The following ATP8A2 variants were observed in gnomAD, a reference collection of about 807,000 sequenced individuals.
ATP8A2 encodes the protein phospholipid-transporting ATPase IB.
ATP8A2 carries 100 observed loss-of-function variants against 165.6 expected under a neutral mutation model. The observed-to-expected ratio is 0.60, with a 90% CI of 0.51 to 0.71. ATP8A2 has a LOEUF of 0.71. Ranked by LOEUF, ATP8A2 falls within the 30% of genes least tolerant of loss-of-function variation. The pLI, the probability that ATP8A2 is intolerant of heterozygous loss-of-function variation, is 0.00. For synonymous variants in ATP8A2, 543 were observed against 548.8 expected (o/e 0.99, Z 0.15); for missense variants, 1,227 against 1,479.5 (o/e 0.83, Z 2.80).
At chr13:25,968,923 T>C (rs778055051) in intron 35 of ATP8A2, among the ~76,000 whole-genome samples, 5 of 127,416 alleles carry the variant, frequency 3.9e-5, no homozygotes, top group Non-Finnish European at 9.2e-5. Context: ...AAACAACTCA[T>C]GTGCAGAAAA....
intron 33 of ATP8A2, among the ~76,000 whole-genome samples, chr13:25,889,254 A>G (rs1476807201): frequency 2.1e-5 from 3 of 144,688 alleles, no homozygotes; most frequent in Non-Finnish European, 3.0e-5. Flanking sequence ...TCATATATAT[A>G]TATATATATA....
At chr13:25,891,990 C>CTTTTCTTTTTTTTTTTTT (rs1555286004) in intron 33 of ATP8A2, among the ~76,000 whole-genome samples, 5 of 142,684 alleles carry the variant, frequency 3.5e-5, no homozygotes, top group African/African-American at 1.3e-4. Context: ...AAGCCTTTTT[C>CTTTTCTTTTTTTTTTTTT]TTTTTTTTTT....
intron 1 of ATP8A2, among the ~76,000 whole-genome samples, chr13:25,460,109 G>C (rs1437653158): frequency 6.6e-6 from 1 of 152,196 alleles, no homozygotes; most frequent in African/African-American, 2.4e-5. Context: ...GCTGAGGTGG[G>C]AGAACTGCTT....
intron 2 of ATP8A2, among the ~76,000 whole-genome samples, chr13:25,475,012 G>A (rs537031084): frequency 6.6e-6 from 1 of 152,164 alleles, no homozygotes; most frequent in East Asian, 1.9e-4. Flanking sequence ...TAGAGATGGA[G>A]TTTCACCATG....
intron 24 of ATP8A2, among the ~76,000 whole-genome samples, chr13:25,619,720 T>TA (rs1224148424): frequency 6.6e-6 from 1 of 152,222 alleles, no homozygotes; most frequent in Non-Finnish European, 1.5e-5. Context: ...AAGTAGTAGG[T>TA]AAATAAGAAA....
intron 27 of ATP8A2, among the ~76,000 whole-genome samples, chr13:25,803,671 C>G (rs1351445464): frequency 1.3e-5 from 2 of 152,204 alleles, no homozygotes; most frequent in Non-Finnish European, 1.5e-5. Context: ...GCCAATCCTT[C>G]AAAAACTGAC....
intron 12 of ATP8A2, 39 bp from the exon 13 acceptor site, chr13:25,554,952 T>A (rs780049280): frequency 1.6e-6 from 2 of 1,264,036 alleles, no homozygotes; most frequent in South Asian, 1.3e-5. Flanking sequence ...TAATGGTATA[T>A]ATTTTCTGAA....
chr13:25,993,194 G>A (rs1956430190), intron 35 of ATP8A2, among the ~76,000 whole-genome samples: 1 of 152,072 alleles, frequency 6.6e-6, no homozygotes, highest in Non-Finnish European at 1.5e-5. Flanking sequence ...AGTCATTTGG[G>A]TATATACCCA....
At chr13:25,931,921 G>A (rs893016046) in intron 33 of ATP8A2, among the ~76,000 whole-genome samples, 1 of 151,844 alleles carries the variant, frequency 6.6e-6, no homozygotes, top group East Asian at 1.9e-4. Flanking sequence ...GGTGGCGGGT[G>A]CCTGTAATCT....
chr13:25,715,003 A>T (rs904360992), intron 25 of ATP8A2, among the ~76,000 whole-genome samples: 1 of 152,224 alleles, frequency 6.6e-6, no homozygotes, highest in Non-Finnish European at 1.5e-5. Flanking sequence ...AGAAGTTTGG[A>T]TAAATGCTTC....
At chr13:25,515,070 G>A (rs1446687976) in intron 2 of ATP8A2, among the ~76,000 whole-genome samples, 1 of 152,186 alleles carries the variant, frequency 6.6e-6, no homozygotes, top group Non-Finnish European at 1.5e-5. Context: ...TCAAACAGTT[G>A]AAGCCCTGAC....
chr13:25,587,794 G>A (rs1465185718), intron 23 of ATP8A2, among the ~76,000 whole-genome samples: 1 of 152,160 alleles, frequency 6.6e-6, no homozygotes, highest in African/African-American at 2.4e-5. Context: ...AAGGAAGAAT[G>A]CATTTGTAAA....
intron 33 of ATP8A2, among the ~76,000 whole-genome samples, chr13:25,930,658 A>G (rs1335283056): frequency 6.6e-6 from 1 of 152,100 alleles, no homozygotes; most frequent in East Asian, 1.9e-4. Flanking sequence ...CAGATGAGGA[A>G]CCTTATGTGG....
Position 25,838,438 on chromosome 13 carries a change from C to A in ATP8A2, c.2878-1108C>A, listed in dbSNP as rs141053494. ...TGATTCCGTTAATGGGAAAATATGA[C>A]CCATTTTCACTGCATTATTTACATA... On this transcript the variant is annotated intron_variant, in intron 29 of 36. Coordinates refer to ENST00000381655, the MANE Select transcript of ATP8A2 (RefSeq NM_016529.6). Among the ~76,000 whole-genome samples the A allele has an allele frequency of 6.0e-3, 908 of 152,210 alleles. 12 individuals are homozygous for A. Among genetic ancestry groups the A allele is most frequent in the African/African-American group, 0.021 (866 of 41,526 alleles).
Position 25,530,577 on chromosome 13 carries a change from T to C in ATP8A2, c.337T>C (p.Ser113Pro). The C allele has an allele frequency of 6.3e-7, 1 of 1,580,218 alleles. No homozygotes were observed. The highest frequency in any genetic ancestry group is 8.6e-7 in the Non-Finnish European group (1 of 1,157,944). The change falls in exon 4 of 37, where the codon TCT becomes CCT. Residue 113 changes from serine to proline, a missense_variant. Around this residue, in one of 5 missense-constraint regions of ATP8A2, gnomAD observed 356 missense variants for 394.9 expected, o/e 0.90. Transcript: ENST00000381655. ...IALLQQIPDVSPTGRYTTLVP... is the reference protein window; with the variant it reads ...IALLQQIPDVPPTGRYTTLVP... ...TATCTTCCAGCAAATTCCAGATGTA[T>C]CTCCAACAGGAAGATATACCACCCT... is the stretch of plus-strand genomic sequence containing the variant.
At chr13:25,417,440 G>A (rs933577307) in intron 1 of ATP8A2, among the ~76,000 whole-genome samples, 3 of 84,196 alleles carry the variant, frequency 3.6e-5, no homozygotes, top group African/African-American at 1.3e-4. Context: ...TTCATCCATA[G>A]ATGAGATAGT....
Position 25,953,989 on chromosome 13 carries a change from G to A in ATP8A2, c.3184-7586G>A, listed in dbSNP as rs963249411. Among the ~76,000 whole-genome samples, 8 of 151,764 alleles carry A rather than the reference G, an allele frequency of 5.3e-5. No homozygotes were observed. Among genetic ancestry groups the A allele is most frequent in the Non-Finnish European group, 1.2e-4 (8 of 67,988 alleles). ...TTTTTTCATACCCCAGTGGCACCTGGAATGCCAGCAAGACAGAACCGTTCA... is the reference window on the plus strand; with the variant it reads ...TTTTTTCATACCCCAGTGGCACCTGAAATGCCAGCAAGACAGAACCGTTCA... On this transcript the variant is annotated intron_variant, in intron 33 of 36. Transcript: ENST00000381655. The surrounding 1 kb of genome is among the most constrained non-coding windows in gnomAD (Gnocchi z 6.7).
chr13:25,611,824 G>C (rs144374239), intron 24 of ATP8A2, among the ~76,000 whole-genome samples: 78 of 152,114 alleles, frequency 5.1e-4, no homozygotes, highest in African/African-American at 1.8e-3. Flanking sequence ...GCTTGTTATT[G>C]GTCTTTTCAC....
At chr13:25,736,169 A>G (rs962548595) in intron 25 of ATP8A2, among the ~76,000 whole-genome samples, 3 of 152,178 alleles carry the variant, frequency 2.0e-5, no homozygotes, top group African/African-American at 7.2e-5. Flanking sequence ...GGTTTGTGTA[A>G]GTGCATTCTA....
Sources: gnomAD v4.1 joint callset for allele counts (sites outside exome capture counted in the v4.1 genomes callset) on GRCh38, gnomAD v4.1.1 for gene constraint, gnomAD v4.1.1 regional missense constraint, Gnocchi (gnomAD v3.1) non-coding constraint, MANE v1.5 for transcripts, NCBI Gene and HGNC (gene_info 2026-07-23, HGNC 2026-07-21) for gene names.